The following MTAP variants were observed in gnomAD, a reference collection of about 807,000 sequenced individuals.
The protein encoded by MTAP is S-methyl-5'-thioadenosine phosphorylase.
In MTAP, 33 loss-of-function variants were observed where a neutral mutation model predicts 33.6. The observed-to-expected ratio is 0.98, with a 90% CI of 0.74 to 1.31. The LOEUF (loss-of-function observed/expected upper bound fraction) is 1.31. Among genes scored for constraint, MTAP ranks in the 40% most tolerant of loss-of-function variants. MTAP has a pLI of 0.00. For synonymous variants in MTAP, 148 were observed against 125.7 expected (o/e 1.18, Z -1.19); for missense variants, 367 against 360.0 (o/e 1.02, Z -0.16).
chr9:21,816,482 A>G (rs1824478636), intron 2 of MTAP, among the ~76,000 whole-genome samples: 1 of 152,180 alleles, frequency 6.6e-6, no homozygotes, highest in South Asian at 2.1e-4. Context: ...ATCTGACTAA[A>G]TGGTACCTAC....
exon 8 of MTAP, chr9:21,937,435 C>T (rs1819059333): frequency 1.3e-5 from 2 of 152,090 alleles, no homozygotes; most frequent in South Asian, 2.1e-4. Context: ...AAGAGTATTG[C>T]TCCAGTTTTT....
chr9:21,862,970 C>G lies in MTAP; in HGVS notation c.*956C>G. ...GATCCAGTTCTTGAAAACACTGTTTCTGGTAATGAAGCAGAATTTAAGTTG... is the reference window on the plus strand; with the variant it reads ...GATCCAGTTCTTGAAAACACTGTTTGTGGTAATGAAGCAGAATTTAAGTTG... On this transcript the variant is annotated 3_prime_UTR_variant, in exon 8 of 8. Coordinates refer to ENST00000644715, the MANE Select transcript of MTAP (RefSeq NM_002451.4). 1.0e-6 allele frequency: 1 copy of G among 984,022 alleles called. No homozygotes were observed. Among genetic ancestry groups the G allele is most frequent in the Non-Finnish European group, 1.2e-6 (1 of 828,758 alleles). The allele number at this position is 984,022 out of a possible 1,614,324, so 61.0% of individuals were successfully genotyped here.
chr9:21,885,817 TG>T (rs1405902475), intron 1 of MTAP, among the ~76,000 whole-genome samples: 3 of 149,096 alleles, frequency 2.0e-5, no homozygotes, highest in African/African-American at 7.6e-5. Context: ...TGTGTGTGTG[TG>T]TGTATACAGA....
chr9:21,844,723 C>T (rs895583533), intron 5 of MTAP, among the ~76,000 whole-genome samples: 12 of 152,164 alleles, frequency 7.9e-5, no homozygotes, highest in Admixed American at 3.3e-4. Context: ...ATAGAAGGGA[C>T]GTACCTCAAG....
intron 1 of MTAP, among the ~76,000 whole-genome samples, chr9:21,885,411 G>C (rs1818092616): frequency 6.6e-6 from 1 of 152,150 alleles, no homozygotes; most frequent in Admixed American, 6.5e-5. Flanking sequence ...TAGGTCTGGG[G>C]TGGGGCCCAA....
chr9:21,839,661 T>C (rs539645156), intron 5 of MTAP, among the ~76,000 whole-genome samples: 2 of 152,300 alleles, frequency 1.3e-5, no homozygotes, highest in Non-Finnish European at 2.9e-5. Context: ...TTTTAAATAT[T>C]ATCCAAAAAC....
intron 4 of MTAP, among the ~76,000 whole-genome samples, chr9:21,823,374 C>G (rs1824698437): frequency 6.6e-6 from 1 of 152,130 alleles, no homozygotes; most frequent in Non-Finnish European, 1.5e-5. Context: ...TCTTATGAAG[C>G]TTAGTTTGGC....
intron 1 of MTAP, among the ~76,000 whole-genome samples, chr9:21,898,213 C>G (rs182513024): frequency 6.6e-6 from 1 of 152,334 alleles, no homozygotes; most frequent in East Asian, 1.9e-4. Flanking sequence ...CTTCCTTACA[C>G]CTTATGCAAA....
chr9:21,842,490 G>A (rs1402494781), intron 5 of MTAP, among the ~76,000 whole-genome samples: 1 of 152,114 alleles, frequency 6.6e-6, no homozygotes, highest in African/African-American at 2.4e-5. Flanking sequence ...AGAATCTTAA[G>A]AACTGTGAGA....
intron 4 of MTAP, among the ~76,000 whole-genome samples, chr9:21,822,708 C>G (rs1824677826): frequency 6.6e-6 from 1 of 152,158 alleles, no homozygotes; most frequent in African/African-American, 2.4e-5. Context: ...TCTCGTTGAT[C>G]TGTCTAATGT....
intron 4 of MTAP, among the ~76,000 whole-genome samples, chr9:21,836,651 C>T (rs1010624585): frequency 5.3e-5 from 8 of 152,214 alleles, no homozygotes; most frequent in South Asian, 2.1e-4. Context: ...CAGGCTGAAA[C>T]AGTCATTTGA....
chr9:21,840,843 C>T (rs6475589), intron 5 of MTAP, among the ~76,000 whole-genome samples: 36,517 of 152,050 alleles, frequency 0.24, 6,599 homozygotes, highest in African/African-American at 0.51. Flanking sequence ...GGGGTGAGGT[C>T]CAAAGGCCAT....
At chr9:21,911,350 C>G (rs1818573405) in intron 1 of MTAP, among the ~76,000 whole-genome samples, 1 of 152,302 alleles carries the variant, frequency 6.6e-6, no homozygotes, top group East Asian at 1.9e-4. Context: ...CACACTGCAC[C>G]TATTCCAAAA....
chr9:21,935,182 GA>G (rs1328321821), downstream of MTAP: 4 of 152,046 alleles, frequency 2.6e-5, no homozygotes, highest in African/African-American at 9.7e-5. Flanking sequence ...GAATTCTATT[GA>G]ATACACTTGC....
chr9:21,915,075 T>TCTTTCTTTCTTC (rs1818662693), intron 1 of MTAP, among the ~76,000 whole-genome samples: 1 of 119,630 alleles, frequency 8.4e-6, no homozygotes, highest in African/African-American at 4.1e-5. Flanking sequence ...TTTCTTTCTT[T>TCTTTCTTTCTTC]CTTTCTTTCC....
At chr9:21,928,379 A>C (rs1818901156) in intron 1 of MTAP, among the ~76,000 whole-genome samples, 1 of 152,174 alleles carries the variant, frequency 6.6e-6, no homozygotes, top group Non-Finnish European at 1.5e-5. Context: ...TAATAAGTCA[A>C]ATCCAAAGGA....
At chr9:21,923,496 T>G (rs1818820532) in intron 1 of MTAP, among the ~76,000 whole-genome samples, 1 of 152,188 alleles carries the variant, frequency 6.6e-6, no homozygotes, top group South Asian at 2.1e-4. Flanking sequence ...AACATTGCTG[T>G]TTTGAATCCC....
chr9:21,881,503 G>T (rs1369993953), intron 1 of MTAP, among the ~76,000 whole-genome samples: 2 of 151,966 alleles, frequency 1.3e-5, no homozygotes, highest in Non-Finnish European at 2.9e-5. Flanking sequence ...CTGATGAGGG[G>T]TTAATATCCA....
downstream of MTAP, among the ~76,000 whole-genome samples, chr9:21,869,723 T>G (rs958104301): frequency 6.6e-6 from 1 of 152,212 alleles, no homozygotes; most frequent in African/African-American, 2.4e-5. Context: ...TATGTCAAGA[T>G]ACTGACTATT....
Sources: allele counts gnomAD v4.1 joint callset (sites outside exome capture counted in the v4.1 genomes callset), GRCh38; gene constraint gnomAD v4.1.1; transcripts MANE v1.5; gene names NCBI Gene and HGNC (gene_info 2026-07-23, HGNC 2026-07-21).